The following SLC12A4 variants were observed in gnomAD, a reference collection of about 807,000 sequenced individuals.
SLC12A4 encodes solute carrier family 12 member 4, also known as electroneutral potassium-chloride cotransporter 1.
In SLC12A4, 84 loss-of-function variants were observed where a neutral mutation model predicts 119.2. The observed-to-expected ratio is 0.70, with a 90% CI of 0.59 to 0.85. SLC12A4 has a LOEUF of 0.85. Among genes scored for constraint, SLC12A4 ranks in the 40% least tolerant of loss-of-function variants. SLC12A4 has a pLI of 0.00. For synonymous variants in SLC12A4, 599 were observed against 604.6 expected, an observed-to-expected ratio of 0.99 and a Z score of 0.14; for missense variants, 1,298 against 1,476.3, an observed-to-expected ratio of 0.88 and a Z score of 1.98.
At chr16:67,963,916 G>C (rs765313183) in intron 1 of SLC12A4, 2 of 1,551,294 alleles carry the variant, frequency 1.3e-6, no homozygotes, top group African/African-American at 2.7e-5. Flanking sequence ...CCCTTTCCCG[G>C]TCTTTCCGGA....
rs36000181 is a variant in SLC12A4 at position 67,963,522 on chromosome 16, G to A, written c.153C>T (p.Ser51=). 1,467 of 1,585,652 alleles carry A rather than the reference G, an allele frequency of 9.3e-4. 18 individuals carry two copies. In the African/African-American group the frequency reaches 0.017, roughly 19 times the overall value. The change falls in exon 2 of 24, where the codon TCC becomes TCT. Residue 51 remains serine (S), a synonymous_variant. Coordinates refer to ENST00000316341, the MANE Select transcript of SLC12A4 (RefSeq NM_005072.5). ...CAATTCCTCTGGAAGCCTCCAAGGG[G>A]GAAAGAAAAGGGCTGCTCTCTCTGT... The part of the protein sequence containing the change: ...GNHRESSPFL[S]PLEASRGIDY...
At position 67,945,953 on chromosome 16, in the gene SLC12A4, TCTCCACCAC is replaced by T; in HGVS notation, c.2728_2736del (p.Val910_Glu912del). 5 of 1,613,278 alleles carry T rather than the reference TCTCCACCAC, an allele frequency of 3.1e-6. No homozygotes were observed. Among genetic ancestry groups the T allele is most frequent in the Middle Eastern group, 3.3e-4 (2 of 6,062 alleles). ...CCAGGGCAGGGCAGAGGGCTCACCATCTCCACCACCTCCACCTCGGCCTCAAGGCGCAGA... is the reference window on the plus strand; with the variant it reads ...CCAGGGCAGGGCAGAGGGCTCACCATCTCCACCTCGGCCTCAAGGCGCAGA... On this transcript the variant is annotated inframe_deletion, in exon 20 of 24. Coordinates refer to ENST00000316341, the MANE Select transcript of SLC12A4 (RefSeq NM_005072.5).
Position 67,944,317 on chromosome 16 carries a change from G to C in SLC12A4, c.*523C>G. 1 of 1,408,152 alleles carries C rather than the reference G, an allele frequency of 7.1e-7. No individual in the cohort carries two copies. The highest frequency in any genetic ancestry group is 2.6e-5 in the East Asian group (1 of 39,136). 87.2% of individuals were successfully genotyped at this position (1,408,152 alleles called of 1,614,324 possible). A position where few individuals can be genotyped will look rare whatever the true frequency, so the allele number is the denominator to read the frequency against. On this transcript the variant is annotated 3_prime_UTR_variant, in exon 24 of 24. Coordinates refer to ENST00000316341, the MANE Select transcript of SLC12A4 (RefSeq NM_005072.5). This position sits in a 1 kb window ranked among gnomAD's most constrained non-coding sequence, Gnocchi z 6.6. ...TGGCGCCAGGGGAAACAGAGCCGGG[G>C]CAGCAGGAGGCCCAGAACTACACAA... is the stretch of plus-strand genomic sequence containing the variant.
chr16:67,950,328 G>A lies in SLC12A4; in HGVS notation c.1620C>T (p.Pro540=). The A allele has an allele frequency of 6.2e-7, 1 of 1,613,842 alleles. No individual in the cohort carries two copies. The highest frequency in any genetic ancestry group is 8.5e-7 in the Non-Finnish European group (1 of 1,179,974). The stretch of plus-strand genomic sequence containing the variant: ...GTGCAGAGGGGCTCACCCGGAGGAA[G>A]GGGATGATGTTGTCCTTGGCAATGG... The part of the protein sequence containing the change: ...LQAIAKDNII[P]FLRVFGHGKV... Residue 540 remains proline (P), a synonymous_variant, in exon 12 of 24, where the codon CCC becomes CCT. Coordinates refer to ENST00000316341, the MANE Select transcript of SLC12A4 (RefSeq NM_005072.5). This position sits in a 1 kb window ranked among gnomAD's most constrained non-coding sequence, Gnocchi z 4.3.
chr16:67,947,918 T>C, intron 14 of SLC12A4, 130 bp from the exon 15 acceptor site: 1 of 1,471,226 alleles, frequency 6.8e-7, no homozygotes, highest in Non-Finnish European at 9.4e-7. Context: ...TCACTGGGTG[T>C]AAGACCTAGG....
intron 1 of SLC12A4, among the ~76,000 whole-genome samples, chr16:67,967,670 C>A (rs890111282): frequency 6.6e-6 from 1 of 152,128 alleles, no homozygotes; most frequent in African/African-American, 2.4e-5. Context: ...GCTTACCTCT[C>A]GGCCCTGGCA....
Position 67,944,777 on chromosome 16 carries a change from C to A in SLC12A4, c.*63G>T. 1 of 1,584,490 alleles carries A rather than the reference C, an allele frequency of 6.3e-7. No homozygotes were observed. Among genetic ancestry groups the A allele is most frequent in the Non-Finnish European group, 8.6e-7 (1 of 1,167,134 alleles). ...GGGTGCTGGGAAGAGGCTGTTACCCCAGACCACAGCTTGTTATGTCCTGGC... is the reference window on the plus strand; with the variant it reads ...GGGTGCTGGGAAGAGGCTGTTACCCAAGACCACAGCTTGTTATGTCCTGGC... On this transcript the variant is annotated 3_prime_UTR_variant, in exon 24 of 24. Transcript: ENST00000316341. This position sits in a 1 kb window ranked among gnomAD's most constrained non-coding sequence, Gnocchi z 6.6.
chr16:67,954,595 G>T (rs372727316), intron 6 of SLC12A4, 48 bp downstream of exon 6: 1 of 1,609,678 alleles, frequency 6.2e-7, no homozygotes, highest in African/African-American at 1.3e-5. Flanking sequence ...GAGTCCAAAG[G>T]GACTGTTTGG....
At chr16:67,961,278 T>C (rs2030545799) in intron 3 of SLC12A4, among the ~76,000 whole-genome samples, 1 of 152,138 alleles carries the variant, frequency 6.6e-6, no homozygotes, top group South Asian at 2.1e-4. Flanking sequence ...ACAGATGACA[T>C]ATGAGAACCC....
At position 67,946,357 on chromosome 16, in the gene SLC12A4, C is replaced by T. The variant is rs376210220; in HGVS notation, c.2438-17G>A. On this transcript the variant is annotated splice_polypyrimidine_tract_variant and intron_variant, in intron 18 of 23. Transcript: ENST00000316341. The stretch of plus-strand genomic sequence containing the variant: ...GCACGGTGTCTGGGGAGGAGGAGCA[C>T]GGCTGACCACCAGTCTGTGGCCCTC... 460 of 1,605,788 alleles carry T rather than the reference C, an allele frequency of 2.9e-4. 1 individual carries two copies. The highest frequency in any genetic ancestry group is 1.8e-3 in the Admixed American group (111 of 60,012).
Position 67,968,306 on chromosome 16 carries a change from G to A in SLC12A4, c.115+133C>T, listed in dbSNP as rs569766249. On this transcript the variant is annotated intron_variant, in intron 1 of 23. Transcript: ENST00000316341. ...GCGGGGAGCCAGTGGCAGCGGCGCG[G>A]TCCAAAAAAAGTTGAGTCCGCACCG... The A allele has an allele frequency of 1.2e-5, 9 of 766,444 alleles. No individual in the cohort carries two copies. In the South Asian group the frequency reaches 2.2e-4, roughly 19 times the overall value. 47.5% of individuals were successfully genotyped at this position (766,444 alleles called of 1,614,324 possible).
intron 1 of SLC12A4, among the ~76,000 whole-genome samples, chr16:67,964,779 T>C (rs572578998): frequency 5.8e-4 from 88 of 152,374 alleles, no homozygotes; most frequent in Non-Finnish European, 8.8e-4. Context: ...AATTCATTTT[T>C]CTTGACTGCA....
chr16:67,957,200 C>T (rs1388015351), intron 5 of SLC12A4, among the ~76,000 whole-genome samples: 2 of 148,078 alleles, frequency 1.4e-5, no homozygotes, highest in Non-Finnish European at 3.0e-5. Flanking sequence ...GACGGAGTCT[C>T]GCTCTGTCGC....
In SLC12A4 at chr16:67,950,054, G is replaced by A. The variant is rs1292290424; in HGVS notation, c.1630-136C>T. ...CGCCCCTGTGTCTATCCCTATGGGT[G>A]TCACCAGTCTCCCTGATTCCACCTC... On this transcript the variant is annotated intron_variant, in intron 12 of 23. Coordinates refer to ENST00000316341, the MANE Select transcript of SLC12A4 (RefSeq NM_005072.5). This position sits in a 1 kb window ranked among gnomAD's most constrained non-coding sequence, Gnocchi z 4.3. The A allele has an allele frequency of 3.0e-5, 22 of 735,654 alleles. No individual in the cohort carries two copies. In the Admixed American group the frequency reaches 6.1e-4, roughly 20 times the overall value. 45.6% of individuals were successfully genotyped at this position (735,654 alleles called of 1,614,324 possible). A position where few individuals can be genotyped will look rare whatever the true frequency, so the allele number is the denominator to read the frequency against.
Position 67,950,199 on chromosome 16 carries a change from C to A in SLC12A4, c.1629+120G>T. The A allele has an allele frequency of 8.0e-7, 1 of 1,244,106 alleles. No individual in the cohort carries two copies. The highest frequency in any genetic ancestry group is 1.1e-6 in the Non-Finnish European group (1 of 904,948). 77.1% of individuals were successfully genotyped at this position (1,244,106 alleles called of 1,614,324 possible). On this transcript the variant is annotated intron_variant, in intron 12 of 23. Transcript: ENST00000316341. The surrounding 1 kb of genome is among the most constrained non-coding windows in gnomAD (Gnocchi z 4.3). ...CTTCTCAGTAGCTCCTCATGGATGG[C>A]CGCCTGGCCCCGGGGGCCAATAAGG... is the stretch of plus-strand genomic sequence containing the variant.
chr16:67,943,631 A>C lies in SLC12A4; in HGVS notation c.*1209T>G. 2 of 506,456 alleles carry C rather than the reference A, an allele frequency of 3.9e-6. No homozygotes were observed. Among genetic ancestry groups the C allele is most frequent in the African/African-American group, 1.9e-5 (1 of 52,150 alleles). The allele number at this position is 506,456 out of a possible 1,614,324, so 31.4% of individuals were successfully genotyped here. On this transcript the variant is annotated 3_prime_UTR_variant, in exon 24 of 24. Transcript: ENST00000316341. The surrounding 1 kb of genome is among the most constrained non-coding windows in gnomAD (Gnocchi z 4.6). Reference sequence around the variant, plus strand: ...GTCCTTGGTGGGTGGGGGCCAAGGAAGGAGTGGTGGGGCTTGGCCCAGAGT... The same window carrying C: ...GTCCTTGGTGGGTGGGGGCCAAGGACGGAGTGGTGGGGCTTGGCCCAGAGT...
At position 67,944,292 on chromosome 16, in the gene SLC12A4, T is replaced by C. The variant is rs1461580743; in HGVS notation, c.*548A>G. The C allele has an allele frequency of 1.4e-6, 2 of 1,410,134 alleles. No homozygotes were observed. Among genetic ancestry groups the C allele is most frequent in the African/African-American group, 2.9e-5 (2 of 69,324 alleles). 87.4% of individuals were successfully genotyped at this position (1,410,134 alleles called of 1,614,324 possible). On this transcript the variant is annotated 3_prime_UTR_variant, in exon 24 of 24. Transcript: ENST00000316341. This position sits in a 1 kb window ranked among gnomAD's most constrained non-coding sequence, Gnocchi z 6.6. ...TGGGTTCAGTTCCGCCTTCTTCTCT[T>C]GGCGCCAGGGGAAACAGAGCCGGGG...
At chr16:67,968,369 G>T in intron 1 of SLC12A4, 70 bp downstream of exon 1, 1 of 1,375,190 alleles carries the variant, frequency 7.3e-7, no homozygotes, top group Non-Finnish European at 9.7e-7. Flanking sequence ...GTGCGGGCGC[G>T]GGCCCGGGAT....
At position 67,951,905 on chromosome 16, in the gene SLC12A4, G is replaced by C; in HGVS notation, c.1050C>G (p.Thr350=). 1 of 1,613,944 alleles carries C rather than the reference G, an allele frequency of 6.2e-7. No homozygotes were observed. Among genetic ancestry groups the C allele is most frequent in the Non-Finnish European group, 8.5e-7 (1 of 1,180,022 alleles). The change falls in exon 8 of 24, where the codon ACC becomes ACG. Residue 350 remains threonine, a synonymous_variant. Transcript: ENST00000316341. The surrounding 1 kb of genome is among the most constrained non-coding windows in gnomAD (Gnocchi z 5.2). ...GCATGAAGTAGGGGTCACAGGAGTC[G>C]GTCGTAAGGTTGGGGCTGTGGCAGA... ...SFFCHSPNLT[T]DSCDPYFMLN...
Sources: allele counts gnomAD v4.1 joint callset (sites outside exome capture counted in the v4.1 genomes callset), GRCh38; gene constraint gnomAD v4.1.1; non-coding constraint Gnocchi (gnomAD v3.1); transcripts MANE v1.5; gene names NCBI Gene and HGNC (gene_info 2026-07-23, HGNC 2026-07-21).